The following AOPEP variants were observed in gnomAD, a reference collection of about 807,000 sequenced individuals.
AOPEP encodes the protein aminopeptidase O (putative).
Under a neutral mutation model 98.1 loss-of-function variants are expected in AOPEP, and 77 were observed. That is an observed-to-expected ratio of 0.78 (90% CI 0.65 to 0.95). The LOEUF (loss-of-function observed/expected upper bound fraction) is 0.95. Among genes scored for constraint, AOPEP ranks in the 40% least tolerant of loss-of-function variants. The pLI, the probability that AOPEP is intolerant of heterozygous loss-of-function variation, is 0.00. For missense variants in AOPEP, 1,024 were observed against 1,024.7 expected (o/e 1.00, Z 0.01); for synonymous variants, 346 against 365.3 (o/e 0.95, Z 0.60).
At chr9:95,117,322 G>T in the AOPEP span, 3 of 1,613,900 alleles carry the variant, frequency 1.9e-6, no homozygotes, top group East Asian at 4.5e-5. Flanking sequence ...CACCTTGAGG[G>T]TCTTGCAGCA....
chr9:94,950,657 A>G (rs2058038066), intron 7 of AOPEP, among the ~76,000 whole-genome samples: 1 of 152,208 alleles, frequency 6.6e-6, no homozygotes, highest in South Asian at 2.1e-4. Flanking sequence ...AAACACTGAG[A>G]TGTTGAAATG....
chr9:95,069,046 C>T (rs771228569), intron 14 of AOPEP, among the ~76,000 whole-genome samples: 27 of 148,038 alleles, frequency 1.8e-4, no homozygotes, highest in Non-Finnish European at 3.5e-4. Context: ...GTTACCAACA[C>T]GAGTCTACAC....
chr9:95,034,148 G>C (rs181008205), intron 13 of AOPEP, among the ~76,000 whole-genome samples: 6 of 152,272 alleles, frequency 3.9e-5, no homozygotes, highest in Admixed American at 2.6e-4. Context: ...GTACCTATTT[G>C]AAAACAAGGG....
In AOPEP at chr9:95,080,740, A is replaced by C; in HGVS notation, c.2279A>C (p.Lys760Thr). The change falls in exon 15 of 17, where the codon AAA (lysine) becomes ACA (threonine). Residue 760 changes from lysine to threonine, a missense_variant. Transcript: ENST00000375315. ...CTCATTGTTAAGCACAAGTTCACGA[A>C]AGCCTACAAAAGTGTGGAGAGGTTC... Reference protein sequence around the residue: ...CELIVKHKFTKAYKSVERFLQ... With the variant: ...CELIVKHKFTTAYKSVERFLQ... 1 of 1,614,068 alleles carries C rather than the reference A, an allele frequency of 6.2e-7. No individual in the cohort carries two copies. Among genetic ancestry groups the C allele is most frequent in the Non-Finnish European group, 8.5e-7 (1 of 1,180,006 alleles).
chr9:95,139,971 G>A, the AOPEP span, among the ~76,000 whole-genome samples: 1 of 151,578 alleles, frequency 6.6e-6, no homozygotes, highest in Admixed American at 6.6e-5. Context: ...TGACAGAAAC[G>A]CTAAGGTTGT....
chr9:95,020,918 CAAAA>C (rs55696602), intron 13 of AOPEP, among the ~76,000 whole-genome samples: 1 of 73,356 alleles, frequency 1.4e-5, no homozygotes, highest in Admixed American at 1.9e-4. Context: ...GACCTTGTCT[CAAAA>C]AAAAAAAAAA....
At position 95,045,991 on chromosome 9, in the gene AOPEP, G is replaced by A. The variant is rs1426763179; in HGVS notation, c.2116-14703G>A. Reference sequence around the variant, plus strand: ...CAGGGTAGGTGCTCAGGTGGCACGAGCACTGCTGGCCAGCAGAGGACTGCG... The same window carrying A: ...CAGGGTAGGTGCTCAGGTGGCACGAACACTGCTGGCCAGCAGAGGACTGCG... On this transcript the variant is annotated intron_variant, in intron 13 of 16. Transcript: ENST00000375315. 5.3e-5 allele frequency among the ~76,000 whole-genome samples: 8 copies of A among 152,348 alleles called. 1 individual carries two copies. The South Asian group carries it at 8.3e-4, about 16-fold the overall frequency.
At chr9:95,110,356 A>G in the AOPEP span, 6 of 1,020,496 alleles carry the variant, frequency 5.9e-6, no homozygotes, top group Non-Finnish European at 7.1e-6. Context: ...GACAGAATAT[A>G]AAAGGGCTTT....
chr9:94,739,496 T>G (rs1024021228), intron 1 of AOPEP, among the ~76,000 whole-genome samples: 2 of 151,906 alleles, frequency 1.3e-5, no homozygotes, highest in Admixed American at 6.6e-5. Context: ...AATACAAAAA[T>G]TAGCCAGGCG....
chr9:94,879,270 G>A lies in AOPEP; in HGVS notation c.1365-44716G>A, dbSNP rs72748528. 5.3e-3 allele frequency among the ~76,000 whole-genome samples: 807 copies of A among 152,352 alleles called. 13 individuals are homozygous for A. The highest frequency in any genetic ancestry group is 0.044 in the South Asian group (214 of 4,826). ...GGTTTGTTTTGGGAAAGGGTTGTTA[G>A]CATCTTTGTTTTAAACTATAAACTA... On this transcript the variant is annotated intron_variant, in intron 5 of 16. Coordinates refer to ENST00000375315, the MANE Select transcript of AOPEP (RefSeq NM_001193329.3).
chr9:94,829,312 A>G (rs1855416288), intron 5 of AOPEP, among the ~76,000 whole-genome samples: 1 of 152,126 alleles, frequency 6.6e-6, no homozygotes, highest in African/African-American at 2.4e-5. Context: ...TCAAATACCT[A>G]TTTATTTTCA....
At chr9:94,823,309 A>G (rs1853690853) in intron 5 of AOPEP, among the ~76,000 whole-genome samples, 1 of 152,176 alleles carries the variant, frequency 6.6e-6, no homozygotes, top group Non-Finnish European at 1.5e-5. Context: ...ATGAAATGCT[A>G]ACAGCTGTAC....
At chr9:94,753,175 T>C (rs944760356) in intron 1 of AOPEP, among the ~76,000 whole-genome samples, 1 of 152,162 alleles carries the variant, frequency 6.6e-6, no homozygotes, top group Non-Finnish European at 1.5e-5. Context: ...GGTTGCTGTT[T>C]GAAGCTACAA....
At chr9:95,142,682 G>C in the AOPEP span, 4 of 152,164 alleles carry the variant, frequency 2.6e-5, no homozygotes, top group African/African-American at 9.7e-5. Flanking sequence ...ACTTATAAAA[G>C]GGATCTCTTT....
intron 11 of AOPEP, among the ~76,000 whole-genome samples, chr9:94,981,018 G>A (rs570479723): frequency 1.3e-5 from 2 of 152,302 alleles, no homozygotes; most frequent in South Asian, 4.1e-4. Context: ...TCCAGTAACT[G>A]GCTCCCAAAT....
At chr9:94,808,983 C>G (rs906791927) in intron 5 of AOPEP, among the ~76,000 whole-genome samples, 1 of 152,194 alleles carries the variant, frequency 6.6e-6, no homozygotes, top group Non-Finnish European at 1.5e-5. Context: ...GATGTGCAAT[C>G]TTAGAACATC....
intron 5 of AOPEP, among the ~76,000 whole-genome samples, chr9:94,841,956 G>A (rs1190026096): frequency 6.6e-6 from 1 of 152,184 alleles, no homozygotes; most frequent in Non-Finnish European, 1.5e-5. Flanking sequence ...AGGAGGCTGA[G>A]GTGAGAGGAT....
the AOPEP span, among the ~76,000 whole-genome samples, chr9:95,098,749 CAG>C: frequency 1.4e-3 from 215 of 152,322 alleles, 2 homozygotes; most frequent in African/African-American, 5.0e-3. Flanking sequence ...AGGGAAGAGA[CAG>C]AACAATTCAA....
chr9:94,753,376 T>C (rs1377212386), intron 1 of AOPEP, among the ~76,000 whole-genome samples: 1 of 152,178 alleles, frequency 6.6e-6, no homozygotes, highest in Non-Finnish European at 1.5e-5. Flanking sequence ...ATATGGAAGC[T>C]GTTATGGAGT....
Sources: gnomAD v4.1 joint callset for allele counts (sites outside exome capture counted in the v4.1 genomes callset) on GRCh38, gnomAD v4.1.1 for gene constraint, MANE v1.5 for transcripts, NCBI Gene and HGNC (gene_info 2026-07-23, HGNC 2026-07-21) for gene names.